Variants in SYNRG observed in about 807,000 individuals in gnomAD.
SYNRG encodes AP1 gamma subunit binding protein 1.
SYNRG carries 37 observed loss-of-function variants against 130.9 expected under a neutral mutation model. The observed-to-expected ratio is 0.28, with a 90% CI of 0.22 to 0.37. SYNRG has a LOEUF of 0.37. Among genes scored for constraint, SYNRG ranks in the 10% least tolerant of loss-of-function variants. SYNRG has a pLI of 1.00. For synonymous variants in SYNRG, 539 were observed against 568.1 expected (o/e 0.95, Z 0.73); for missense variants, 1,338 against 1,588.9 (o/e 0.84, Z 2.68).
intron 3 of SYNRG, among the ~76,000 whole-genome samples, chr17:37,590,242 G>A (rs2062054318): frequency 6.6e-6 from 1 of 151,168 alleles, no homozygotes; most frequent in Non-Finnish European, 1.5e-5. Context: ...AGGGAAGAAT[G>A]TCTTAGATAA....
At position 37,518,844 on chromosome 17, in the gene SYNRG, A is replaced by G. The variant is rs1239791998; in HGVS notation, c.*96T>C. On this transcript the variant is annotated 3_prime_UTR_variant, in exon 22 of 22. Coordinates refer to ENST00000612223, the MANE Select transcript of SYNRG (RefSeq NM_007247.6). ...GGTGTTCTTCATATCGATTCAGGGAAGCGAACTGTGCAGTGCTCGCATTCT... is the reference window on the plus strand; with the variant it reads ...GGTGTTCTTCATATCGATTCAGGGAGGCGAACTGTGCAGTGCTCGCATTCT... The G allele has an allele frequency of 1.3e-6, 2 of 1,496,862 alleles. No homozygotes were observed. The highest frequency in any genetic ancestry group is 2.1e-5 in the Admixed American group (1 of 48,180). 92.7% of individuals were successfully genotyped at this position (1,496,862 alleles called of 1,614,324 possible). A position where few individuals can be genotyped will look rare whatever the true frequency, so the allele number is the denominator to read the frequency against.
chr17:37,516,930 G>A lies in SYNRG; in HGVS notation c.*2010C>T, dbSNP rs946705734. 4 of 152,238 alleles carry A rather than the reference G, an allele frequency of 2.6e-5. No individual in the cohort carries two copies. The highest frequency in any genetic ancestry group is 9.7e-5 in the African/African-American group (4 of 41,430). 9.4% of individuals were successfully genotyped at this position (152,238 alleles called of 1,614,324 possible). A position where few individuals can be genotyped will look rare whatever the true frequency, so the allele number is the denominator to read the frequency against. On this transcript the variant is annotated 3_prime_UTR_variant, in exon 22 of 22. Transcript: ENST00000612223. ...GATTCTGCTGTCATGGTTCTGTTAT[G>A]AAATTTAGGCCAGGCGCAGTGGCTC...
Position 37,525,749 on chromosome 17 carries a change from C to T in SYNRG, c.3667-5101G>A, listed in dbSNP as rs191607703. Among the ~76,000 whole-genome samples, 5 of 152,264 alleles carry T rather than the reference C, an allele frequency of 3.3e-5. No homozygotes were observed. In the East Asian group the frequency reaches 5.8e-4, roughly 18 times the overall value. On this transcript the variant is annotated intron_variant, in intron 19 of 21. Coordinates refer to ENST00000612223, the MANE Select transcript of SYNRG (RefSeq NM_007247.6). ...TTGGGAGGCCAAGGCGGGCGGATCA[C>T]GAGGTCAGGCTTTGGAGACCAGCCT...
chr17:37,590,537 T>C (rs1228632427), intron 3 of SYNRG, among the ~76,000 whole-genome samples: 3 of 152,120 alleles, frequency 2.0e-5, no homozygotes, highest in African/African-American at 7.2e-5. Context: ...AATTAAAAAG[T>C]CAAGAATTTG....
At chr17:37,597,920 T>G (rs1394733111) in intron 2 of SYNRG, among the ~76,000 whole-genome samples, 4 of 152,218 alleles carry the variant, frequency 2.6e-5, no homozygotes, top group African/African-American at 9.6e-5. Context: ...AAATTAAAGA[T>G]CTAGGAAATT....
chr17:37,605,341 T>C (rs1168417791), intron 1 of SYNRG, among the ~76,000 whole-genome samples: 2 of 152,198 alleles, frequency 1.3e-5, no homozygotes, highest in Non-Finnish European at 2.9e-5. Context: ...TCAAAAGAAT[T>C]GGAAACTCGT....
chr17:37,555,982 T>C (rs2059093332), intron 13 of SYNRG, among the ~76,000 whole-genome samples: 1 of 152,160 alleles, frequency 6.6e-6, no homozygotes, highest in Non-Finnish European at 1.5e-5. Context: ...ATGACTGCCA[T>C]TTCTGGAGAT....
intron 8 of SYNRG, among the ~76,000 whole-genome samples, chr17:37,574,116 C>G (rs1032911597): frequency 2.0e-5 from 3 of 152,134 alleles, no homozygotes; most frequent in Non-Finnish European, 4.4e-5. Context: ...CACACATCCA[C>G]AGTGAACTCA....
At chr17:37,573,494 A>G (rs1030520905) in intron 8 of SYNRG, among the ~76,000 whole-genome samples, 2 of 152,238 alleles carry the variant, frequency 1.3e-5, no homozygotes, top group Non-Finnish European at 2.9e-5. Context: ...GGGCGAAAGT[A>G]AAGTAATACA....
chr17:37,595,974 C>T (rs200619265), intron 3 of SYNRG, among the ~76,000 whole-genome samples: 2 of 152,118 alleles, frequency 1.3e-5, no homozygotes, highest in African/African-American at 4.8e-5. Context: ...AGGCTGGTCT[C>T]GAACTCCTGA....
intron 14 of SYNRG, among the ~76,000 whole-genome samples, chr17:37,550,547 C>G (rs1022196779): frequency 2.0e-5 from 3 of 152,030 alleles, no homozygotes; most frequent in Admixed American, 6.6e-5. Flanking sequence ...ACTTACAGAT[C>G]ACAAAAGAGA....
In SYNRG at chr17:37,555,865, C is replaced by T. The variant is rs765282434; in HGVS notation, c.1664-1806G>A. 6.6e-5 allele frequency among the ~76,000 whole-genome samples: 10 copies of T among 152,100 alleles called. No individual in the cohort carries two copies. The South Asian group carries it at 8.3e-4, about 13-fold the overall frequency. On this transcript the variant is annotated intron_variant, in intron 13 of 21. Coordinates refer to ENST00000612223, the MANE Select transcript of SYNRG (RefSeq NM_007247.6). ...AGCTTGCAGTGAGCCAAGATCCCACCGCTGCACTCCAGCCTGGGGGACAGA... is the reference window on the plus strand; with the variant it reads ...AGCTTGCAGTGAGCCAAGATCCCACTGCTGCACTCCAGCCTGGGGGACAGA...
intron 9 of SYNRG, 24 bp downstream of exon 9, chr17:37,571,767 T>G: frequency 1.9e-6 from 3 of 1,574,212 alleles, no homozygotes; most frequent in Non-Finnish European, 2.6e-6. Context: ...AGTTATTTGA[T>G]CTAACTTAAG....
chr17:37,609,067 C>T (rs1160607925), intron 1 of SYNRG, among the ~76,000 whole-genome samples: 2 of 150,448 alleles, frequency 1.3e-5, no homozygotes, highest in East Asian at 2.0e-4. Context: ...CGATTCCAGG[C>T]GGCCGGCGCC....
chr17:37,520,444 G>T, intron 20 of SYNRG, 94 bp downstream of exon 20: 1 of 1,287,790 alleles, frequency 7.8e-7, no homozygotes, highest in Non-Finnish European at 1.1e-6. Context: ...CCCACCTCTG[G>T]TCACAAACTC....
chr17:37,549,257 T>G (rs1383776724), intron 14 of SYNRG, among the ~76,000 whole-genome samples: 1 of 151,770 alleles, frequency 6.6e-6, no homozygotes, highest in Non-Finnish European at 1.5e-5. Context: ...CATGGAAATA[T>G]CCCCTTTCCC....
At chr17:37,579,377 T>C (rs2061107827) in intron 6 of SYNRG, 1 of 1,304,234 alleles carries the variant, frequency 7.7e-7, no homozygotes, top group Non-Finnish European at 1.0e-6. Flanking sequence ...TTCTTCTTCA[T>C]CAAGAAAGGC....
rs1479653275 is a variant in SYNRG, at chr17:37,515,276, GAAGA to G, written c.*3660_*3663del. The G allele has an allele frequency of 6.6e-6, 1 of 152,140 alleles. No individual in the cohort carries two copies. Among genetic ancestry groups the G allele is most frequent in the Non-Finnish European group, 1.5e-5 (1 of 68,032 alleles). 9.4% of individuals were successfully genotyped at this position (152,140 alleles called of 1,614,324 possible). A position where few individuals can be genotyped will look rare whatever the true frequency, so the allele number is the denominator to read the frequency against. ...ATTGTTATTTGGTACACACTTACCT[GAAGA>G]AATAAGTAAGTAACTTAAACATAAA... On this transcript the variant is annotated 3_prime_UTR_variant, in exon 22 of 22. Transcript: ENST00000612223.
Position 37,600,420 on chromosome 17 carries a change from A to G in SYNRG, c.78-17T>C. On this transcript the variant is annotated splice_polypyrimidine_tract_variant and intron_variant, in intron 1 of 21. Transcript: ENST00000612223. ...AACATGAAGCTGAAAACAGAATAAA[A>G]ATACATTATAATCTTCGTATGTACA... The G allele has an allele frequency of 6.2e-7, 1 of 1,612,726 alleles. No homozygotes were observed. The highest frequency in any genetic ancestry group is 8.5e-7 in the Non-Finnish European group (1 of 1,178,958).
Sources: gnomAD v4.1 joint callset for allele counts (sites outside exome capture counted in the v4.1 genomes callset) on GRCh38, gnomAD v4.1.1 for gene constraint, MANE v1.5 for transcripts, NCBI Gene and HGNC (gene_info 2026-07-23, HGNC 2026-07-21) for gene names.